The following TRPM7 variants were observed in gnomAD, a reference collection of about 807,000 sequenced individuals.
TRPM7 encodes transient receptor potential cation channel subfamily M member 7.
TRPM7 carries 134 observed loss-of-function variants against 229.7 expected under a neutral mutation model. That is an observed-to-expected ratio of 0.58 (90% CI 0.51 to 0.67). The LOEUF (loss-of-function observed/expected upper bound fraction) is 0.67. Ranked by LOEUF, TRPM7 falls within the 30% of genes least tolerant of loss-of-function variation. The pLI is 0.00. For missense variants in TRPM7, 1,901 were observed against 2,210.0 expected (o/e 0.86, Z 2.80); for synonymous variants, 699 against 715.2 (o/e 0.98, Z 0.36).
chr15:50,640,326 C>G (rs993186304), intron 5 of TRPM7, among the ~76,000 whole-genome samples: 2 of 152,002 alleles, frequency 1.3e-5, no homozygotes, highest in Non-Finnish European at 1.5e-5. Flanking sequence ...GGCTGGAGTG[C>G]AGTGGTGTGA....
chr15:50,629,728 G>A (rs1023929399), intron 10 of TRPM7, among the ~76,000 whole-genome samples: 3 of 151,848 alleles, frequency 2.0e-5, no homozygotes, highest in Non-Finnish European at 4.4e-5. Flanking sequence ...TCTATAAAAT[G>A]AGTAAAGCCA....
intron 9 of TRPM7, 37 bp from the exon 10 acceptor site, chr15:50,631,526 A>G: frequency 1.4e-6 from 2 of 1,419,688 alleles, no homozygotes; most frequent in Non-Finnish European, 2.0e-6. Context: ...ATGCCTTTAT[A>G]TTTTTAAAAC....
In TRPM7 at chr15:50,557,595, T is replaced by C. The variant is rs2053181925; in HGVS notation, c.*4083A>G. 6.6e-6 allele frequency: 1 copy of C among 152,218 alleles called. No individual in the cohort carries two copies. The highest frequency in any genetic ancestry group is 2.1e-4 in the South Asian group (1 of 4,834). 9.4% of individuals were successfully genotyped at this position (152,218 alleles called of 1,614,324 possible). On this transcript the variant is annotated 3_prime_UTR_variant, in exon 39 of 39. Transcript: ENST00000646667. ...TACTTGTAAAATAATAGCATACATA[T>C]ATCGACAGACTGAAGAAGGTATACT...
At position 50,575,011 on chromosome 15, in the gene TRPM7, T is replaced by G. The variant is rs368809505; in HGVS notation, c.4860A>C (p.Gly1620=). Reference sequence around the variant, plus strand: ...CTTTGACAGCTCTTCGTAAACCTCCTCCCATCTCCTCTTTGCTTAAAAACT... The same window carrying G: ...CTTTGACAGCTCTTCGTAAACCTCCGCCCATCTCCTCTTTGCTTAAAAACT... ...KIEFLSKEEM[G]GGLRRAVKVQ... is the part of the protein sequence containing the mutation. The change falls in exon 34 of 39, where the codon GGA becomes GGC. Residue 1620 remains glycine (G), a synonymous_variant. Coordinates refer to ENST00000646667, the MANE Select transcript of TRPM7 (RefSeq NM_017672.6). The G allele has an allele frequency of 5.0e-6, 8 of 1,613,990 alleles. No homozygotes were observed. In the African/African-American group the frequency reaches 1.1e-4, roughly 22 times the overall value.
intron 36 of TRPM7, among the ~76,000 whole-genome samples, chr15:50,572,153 C>T (rs1030949092): frequency 6.6e-6 from 1 of 152,134 alleles, no homozygotes; most frequent in Non-Finnish European, 1.5e-5. Context: ...CATGCAGTGA[C>T]GTGAGCCTGT....
intron 25 of TRPM7, among the ~76,000 whole-genome samples, chr15:50,592,904 T>C (rs1054043725): frequency 3.3e-5 from 5 of 152,194 alleles, no homozygotes; most frequent in African/African-American, 1.2e-4. Context: ...AAATAATGTA[T>C]ATACAGCTAC....
chr15:50,589,319 CAAAAAAAAA>C (rs34653276), intron 27 of TRPM7, among the ~76,000 whole-genome samples: 2 of 81,616 alleles, frequency 2.5e-5, no homozygotes, highest in South Asian at 4.9e-4. Context: ...GACTCCGTCT[CAAAAAAAAA>C]AAAAAAAAAA....
intron 2 of TRPM7, among the ~76,000 whole-genome samples, chr15:50,661,340 A>C (rs970739492): frequency 1.6e-4 from 24 of 152,286 alleles, no homozygotes; most frequent in African/African-American, 5.8e-4. Flanking sequence ...ATATAGACTG[A>C]ATGTAGCACT....
intron 11 of TRPM7, among the ~76,000 whole-genome samples, chr15:50,624,749 T>A (rs1180758063): frequency 6.6e-6 from 1 of 152,038 alleles, no homozygotes; most frequent in Admixed American, 6.6e-5. Flanking sequence ...AAAGAAACTA[T>A]CCCGCATCCC....
intron 4 of TRPM7, among the ~76,000 whole-genome samples, chr15:50,644,637 T>C (rs1467253977): frequency 6.6e-6 from 1 of 151,950 alleles, no homozygotes; most frequent in African/African-American, 2.4e-5. Context: ...ACCCCGTCTC[T>C]ACTAAATACA....
At position 50,558,890 on chromosome 15, in the gene TRPM7, C is replaced by CT. The variant is rs1362352951; in HGVS notation, c.*2787dup. The CT allele has an allele frequency of 0.017, 2,444 of 141,240 alleles. 65 individuals are homozygous for CT. The highest frequency in any genetic ancestry group is 0.056 in the African/African-American group (2,178 of 38,786). 8.7% of individuals were successfully genotyped at this position (141,240 alleles called of 1,614,324 possible). On this transcript the variant is annotated 3_prime_UTR_variant, in exon 39 of 39. Transcript: ENST00000646667. ...CCTGGGCAACAGAGCAAGAGGTTGT[C>CT]TTTTTTTTTTTTTTCTTTCTGAGAC... is the stretch of plus-strand genomic sequence containing the variant.
rs2062367888 is a variant in TRPM7 at position 50,686,725 on chromosome 15, C to A, written c.-192G>T. 1.5e-6 allele frequency: 1 copy of A among 681,304 alleles called. No individual in the cohort carries two copies. The highest frequency in any genetic ancestry group is 3.3e-5 in the East Asian group (1 of 30,518). The allele number at this position is 681,304 out of a possible 1,614,324, so 42.2% of individuals were successfully genotyped here. A position where few individuals can be genotyped will look rare whatever the true frequency, so the allele number is the denominator to read the frequency against. ...AGAAGCCGAGTCTTTCATAATTGTG[C>A]GACCAACTCCTCCGGGTGACTGGCC... On this transcript the variant is annotated 5_prime_UTR_variant, in exon 1 of 39. Transcript: ENST00000646667.
At chr15:50,671,157 TCTTC>T (rs2061980453) in intron 1 of TRPM7, among the ~76,000 whole-genome samples, 1 of 152,184 alleles carries the variant, frequency 6.6e-6, no homozygotes, top group African/African-American at 2.4e-5. Flanking sequence ...TTGAAATTAT[TCTTC>T]CTAACTGAAA....
intron 27 of TRPM7, among the ~76,000 whole-genome samples, chr15:50,587,884 T>C (rs1033170456): frequency 1.3e-5 from 2 of 152,212 alleles, no homozygotes; most frequent in African/African-American, 4.8e-5. Context: ...CCATATGTCA[T>C]ATGGCAATAA....
chr15:50,664,559 A>G (rs1034346285), intron 1 of TRPM7, among the ~76,000 whole-genome samples: 13 of 152,186 alleles, frequency 8.5e-5, no homozygotes, highest in African/African-American at 3.1e-4. Flanking sequence ...AATATGATTA[A>G]CCAAATAAAA....
chr15:50,653,676 T>A (rs890742237), intron 3 of TRPM7, among the ~76,000 whole-genome samples: 3 of 151,922 alleles, frequency 2.0e-5, no homozygotes, highest in Non-Finnish European at 4.4e-5. Flanking sequence ...AGCAAGGAAG[T>A]AGAGAACAGA....
intron 22 of TRPM7, among the ~76,000 whole-genome samples, chr15:50,598,813 T>C (rs1432872409): frequency 5.3e-5 from 8 of 152,178 alleles, no homozygotes; most frequent in African/African-American, 1.2e-4. Context: ...CAAGTGTCCT[T>C]AGCTATGAAT....
intron 20 of TRPM7, among the ~76,000 whole-genome samples, chr15:50,605,787 G>T (rs2059903946): frequency 6.6e-6 from 1 of 152,078 alleles, no homozygotes; most frequent in South Asian, 2.1e-4. Context: ...AAAACGCTTT[G>T]CAATTTGCTT....
At chr15:50,678,514 AAAAATAT>A (rs1387120053) in intron 1 of TRPM7, among the ~76,000 whole-genome samples, 34 of 79,410 alleles carry the variant, frequency 4.3e-4, no homozygotes, top group African/African-American at 1.1e-3. Context: ...TTTAAAAAAA[AAAAATAT>A]ATATATATAT....
Sources: allele counts gnomAD v4.1 joint callset (sites outside exome capture counted in the v4.1 genomes callset), GRCh38; gene constraint gnomAD v4.1.1; transcripts MANE v1.5; gene names NCBI Gene and HGNC (gene_info 2026-07-23, HGNC 2026-07-21).